SCFD2: variants seen among roughly 807,000 people sequenced by gnomAD.
The protein encoded by SCFD2 is sec1 family domain-containing protein 2.
In SCFD2, 54 loss-of-function variants were observed where a neutral mutation model predicts 58.9. The observed-to-expected ratio is 0.92, with a 90% CI of 0.74 to 1.15. The LOEUF is 1.15. Among genes scored for constraint, SCFD2 ranks in the 50% most tolerant of loss-of-function variants. The pLI is 0.00. For synonymous variants in SCFD2, 321 were observed against 335.9 expected (o/e 0.96, Z 0.49); for missense variants, 805 against 836.6 (o/e 0.96, Z 0.47).
At chr4:53,300,750 T>C (rs1283994205) in intron 3 of SCFD2, among the ~76,000 whole-genome samples, 2 of 152,190 alleles carry the variant, frequency 1.3e-5, no homozygotes, top group Non-Finnish European at 2.9e-5. Context: ...ACAAACTGTC[T>C]CTCAGACCAC....
At chr4:53,027,565 T>C (rs1271818144) in intron 5 of SCFD2, among the ~76,000 whole-genome samples, 1 of 152,242 alleles carries the variant, frequency 6.6e-6, no homozygotes, top group African/African-American at 2.4e-5. Context: ...CGGTGGCTCA[T>C]GCCTGTAATT....
chr4:53,114,528 T>C (rs1725265834), intron 5 of SCFD2, among the ~76,000 whole-genome samples: 1 of 152,134 alleles, frequency 6.6e-6, no homozygotes, highest in Non-Finnish European at 1.5e-5. Flanking sequence ...GAAATTTGAT[T>C]TGAATAATTG....
rs536134945 is a variant in SCFD2 at position 53,353,201 on chromosome 4, G to A, written c.839-435C>T. ...GTTCGTGGTCTCGCTGGCTTCAGGAGTGAAGCTGCAGACCTTCGCGGTGAG... is the reference window on the plus strand; with the variant it reads ...GTTCGTGGTCTCGCTGGCTTCAGGAATGAAGCTGCAGACCTTCGCGGTGAG... On this transcript the variant is annotated intron_variant, in intron 1 of 8. Coordinates refer to ENST00000401642, the MANE Select transcript of SCFD2 (RefSeq NM_152540.4). Among the ~76,000 whole-genome samples the A allele has an allele frequency of 3.9e-5, 6 of 152,322 alleles. No individual in the cohort carries two copies. In the East Asian group the frequency reaches 9.7e-4, roughly 25 times the overall value.
chr4:53,298,440 C>T (rs576729564), intron 3 of SCFD2, among the ~76,000 whole-genome samples: 321 of 152,322 alleles, frequency 2.1e-3, no homozygotes, highest in Non-Finnish European at 3.7e-3. Context: ...GTAAACAAAG[C>T]GGCCAGGAAG....
At chr4:53,237,354 C>G (rs1460128141) in intron 4 of SCFD2, among the ~76,000 whole-genome samples, 4 of 151,784 alleles carry the variant, frequency 2.6e-5, no homozygotes, top group African/African-American at 9.7e-5. Flanking sequence ...GAGCTGTTGG[C>G]TACACCTCCC....
At chr4:53,294,230 C>T (rs1731943273) in intron 3 of SCFD2, among the ~76,000 whole-genome samples, 1 of 152,184 alleles carries the variant, frequency 6.6e-6, no homozygotes, top group African/African-American at 2.4e-5. Context: ...CTGTCTTCCA[C>T]AATGATTGAA....
chr4:52,963,452 G>A (rs980256614), intron 5 of SCFD2, among the ~76,000 whole-genome samples: 7 of 152,074 alleles, frequency 4.6e-5, no homozygotes, highest in Non-Finnish European at 8.8e-5. Context: ...TCTTGGAGTC[G>A]GGTTCGAAAA....
chr4:52,907,389 C>T, intron 7 of SCFD2, 68 bp downstream of exon 7: 1 of 1,515,588 alleles, frequency 6.6e-7, no homozygotes, highest in Non-Finnish European at 9.1e-7. Flanking sequence ...TAACAGGGTG[C>T]CAGCATTTTC....
chr4:52,976,132 C>A (rs1227760960), intron 5 of SCFD2, among the ~76,000 whole-genome samples: 1 of 151,832 alleles, frequency 6.6e-6, no homozygotes, highest in Non-Finnish European at 1.5e-5. Flanking sequence ...ATGTAACTAA[C>A]CTGCATGTTG....
At chr4:53,208,051 G>A (rs1259962820) in intron 4 of SCFD2, among the ~76,000 whole-genome samples, 5 of 151,486 alleles carry the variant, frequency 3.3e-5, no homozygotes, top group African/African-American at 4.9e-5. Context: ...TCACCTCCCA[G>A]GCTCAAGCCA....
At chr4:53,071,261 G>A (rs760826248) in intron 5 of SCFD2, among the ~76,000 whole-genome samples, 19 of 152,222 alleles carry the variant, frequency 1.2e-4, no homozygotes, top group African/African-American at 2.6e-4. Flanking sequence ...ATTTTCTCTG[G>A]AGTCTGTACA....
chr4:52,934,454 A>G (rs1465752654), intron 5 of SCFD2, among the ~76,000 whole-genome samples: 1 of 152,184 alleles, frequency 6.6e-6, no homozygotes, highest in South Asian at 2.1e-4. Flanking sequence ...TCTGGAAAAA[A>G]TTTTTATGGA....
At chr4:53,138,917 C>T (rs867897325) in intron 5 of SCFD2, among the ~76,000 whole-genome samples, 133 of 149,380 alleles carry the variant, frequency 8.9e-4, no homozygotes, top group Admixed American at 2.6e-3. Flanking sequence ...CCCTCTGATG[C>T]CCAGCCGAGG....
At chr4:53,197,747 C>CAAAAAAAA (rs10717880) in intron 4 of SCFD2, among the ~76,000 whole-genome samples, 4 of 96,570 alleles carry the variant, frequency 4.1e-5, no homozygotes, top group Admixed American at 1.2e-4. Flanking sequence ...TAGAAGATGG[C>CAAAAAAAA]AAAAAAAAAA....
chr4:53,271,661 C>T (rs559614056), intron 4 of SCFD2, among the ~76,000 whole-genome samples: 7 of 152,114 alleles, frequency 4.6e-5, no homozygotes, highest in Admixed American at 3.9e-4. Flanking sequence ...CAAGATTTTG[C>T]CATGTTGGCC....
At chr4:53,241,651 A>G (rs1459883068) in intron 4 of SCFD2, among the ~76,000 whole-genome samples, 1 of 152,142 alleles carries the variant, frequency 6.6e-6, no homozygotes, top group African/African-American at 2.4e-5. Context: ...TTGCCAGCAC[A>G]TGTGTGCACA....
At chr4:53,022,307 T>C (rs556729421) in intron 5 of SCFD2, among the ~76,000 whole-genome samples, 1 of 152,282 alleles carries the variant, frequency 6.6e-6, no homozygotes. Context: ...ATCTTTCTAT[T>C]CCCCTCCACC....
At chr4:53,114,235 C>A (rs1462726087) in intron 5 of SCFD2, among the ~76,000 whole-genome samples, 1 of 152,078 alleles carries the variant, frequency 6.6e-6, no homozygotes, top group East Asian at 1.9e-4. Context: ...GTTAAATACA[C>A]ACAAATATGC....
chr4:53,201,408 T>C (rs1728233579), intron 4 of SCFD2, among the ~76,000 whole-genome samples: 1 of 152,342 alleles, frequency 6.6e-6, no homozygotes, highest in Admixed American at 6.5e-5. Flanking sequence ...CCACATTTTC[T>C]TAATCCAGTC....
Sources: gnomAD v4.1 joint callset for allele counts (sites outside exome capture counted in the v4.1 genomes callset) on GRCh38, gnomAD v4.1.1 for gene constraint, MANE v1.5 for transcripts, NCBI Gene and HGNC (gene_info 2026-07-23, HGNC 2026-07-21) for gene names.